TNFAIP8: variants seen among roughly 807,000 people sequenced by gnomAD.
TNFAIP8 encodes TNF alpha induced protein 8.
In TNFAIP8, 7 loss-of-function variants were observed where a neutral mutation model predicts 13.3. The ratio of observed to expected loss-of-function variants is 0.52; its 90% confidence interval spans 0.30 to 0.99. The LOEUF is 0.99. Ranked by LOEUF, TNFAIP8 falls within the 50% of genes least tolerant of loss-of-function variation. The pLI is 0.07. For missense variants in TNFAIP8, 258 were observed against 236.9 expected, an observed-to-expected ratio of 1.09 and a Z score of -0.58; for synonymous variants, 94 against 87.6, an observed-to-expected ratio of 1.07 and a Z score of -0.41.
At chr5:119,285,921 CA>C (rs1488649096) in intron 1 of TNFAIP8, among the ~76,000 whole-genome samples, 1 of 152,072 alleles carries the variant, frequency 6.6e-6, no homozygotes. Context: ...ATACTGATCT[CA>C]TTATGTGTAA....
intron 1 of TNFAIP8, among the ~76,000 whole-genome samples, chr5:119,301,504 C>G (rs1749392013): frequency 6.6e-6 from 1 of 152,158 alleles, no homozygotes; most frequent in African/African-American, 2.4e-5. Flanking sequence ...TTTCTGCACA[C>G]CTTGATTATA....
intron 1 of TNFAIP8, among the ~76,000 whole-genome samples, chr5:119,370,040 C>G (rs942753593): frequency 4.6e-5 from 7 of 152,328 alleles, no homozygotes; most frequent in African/African-American, 1.4e-4. Flanking sequence ...CTTGTGGCAG[C>G]AATGGAAAAG....
At chr5:119,364,841 G>GTTTTTTTTTTTTT (rs10714712) in intron 1 of TNFAIP8, among the ~76,000 whole-genome samples, 3 of 88,710 alleles carry the variant, frequency 3.4e-5, no homozygotes, top group African/African-American at 9.3e-5. Context: ...TTTCTTTTCA[G>GTTTTTTTTTTTTT]TTTTTTTTTT....
chr5:119,311,991 T>G (rs1188538685), intron 1 of TNFAIP8, among the ~76,000 whole-genome samples: 1 of 152,118 alleles, frequency 6.6e-6, no homozygotes, highest in Non-Finnish European at 1.5e-5. Flanking sequence ...TGTGGAACCA[T>G]GACAGAAAGA....
rs1019152175 is a variant in TNFAIP8, at chr5:119,397,124, A to T, written c.*3743A>T. ...AAAGTTCTTTTTCTCCCACCATGTG[A>T]ATACACACACACACACACACACACA... is the stretch of plus-strand genomic sequence containing the variant. On this transcript the variant is annotated 3_prime_UTR_variant, in exon 2 of 2. Transcript: ENST00000504771. The T allele has an allele frequency of 1.9e-5, 2 of 103,750 alleles. No individual in the cohort carries two copies. Among genetic ancestry groups the T allele is most frequent in the South Asian group, 3.2e-4 (1 of 3,114 alleles). The allele number at this position is 103,750 out of a possible 1,614,324, so 6.4% of individuals were successfully genotyped here. A position where few individuals can be genotyped will look rare whatever the true frequency, so the allele number is the denominator to read the frequency against.
intron 1 of TNFAIP8, among the ~76,000 whole-genome samples, chr5:119,381,887 G>A (rs982918385): frequency 6.6e-5 from 10 of 151,802 alleles, no homozygotes; most frequent in African/African-American, 1.9e-4. Flanking sequence ...AGCCAAGATC[G>A]CGCCATTGTA....
In TNFAIP8 at chr5:119,366,645, G is replaced by A. The variant is rs77035795; in HGVS notation, c.31+10524G>A. Reference sequence around the variant, plus strand: ...TGCCCATTTCTGGAGGGCCAGTGGTGAGTGGTTTGTTGGAGGGTTAAAGCC... The same window carrying A: ...TGCCCATTTCTGGAGGGCCAGTGGTAAGTGGTTTGTTGGAGGGTTAAAGCC... On this transcript the variant is annotated intron_variant, in intron 1 of 1. Transcript: ENST00000504771. 6.5e-3 allele frequency among the ~76,000 whole-genome samples: 996 copies of A among 152,336 alleles called. 16 individuals carry two copies. Among genetic ancestry groups the A allele is most frequent in the African/African-American group, 0.023 (945 of 41,574 alleles).
In TNFAIP8 at chr5:119,392,930, A is replaced by G; in HGVS notation, c.146A>G (p.Glu49Gly). ...ACCTTAATAGACGACACAAGTAGTG[A>G]GGTGCTGGATGAGCTCTACAGAGTG... ...ATTLIDDTSS[E>G]VLDELYRVTR... The change falls in exon 2 of 2, where the codon GAG (glutamate) becomes GGG (glycine). Residue 49 changes from glutamate to glycine, a missense_variant. Glu to Gly is a moderately conservative substitution (Grantham distance 98). Transcript: ENST00000504771. 1 of 1,607,658 alleles carries G rather than the reference A, an allele frequency of 6.2e-7. No homozygotes were observed. The highest frequency in any genetic ancestry group is 8.5e-7 in the Non-Finnish European group (1 of 1,177,018).
intron 1 of TNFAIP8, among the ~76,000 whole-genome samples, chr5:119,348,609 G>A (rs1047510669): frequency 2.6e-5 from 4 of 152,062 alleles, no homozygotes; most frequent in Non-Finnish European, 2.9e-5. Context: ...GGCTGGGCAC[G>A]GAGTCTCACG....
intron 1 of TNFAIP8, among the ~76,000 whole-genome samples, chr5:119,362,741 A>G (rs556425281): frequency 6.6e-6 from 1 of 151,766 alleles, no homozygotes; most frequent in African/African-American, 2.4e-5. Context: ...GCAGTGAGCT[A>G]TGGTCGTGCC....
intron 1 of TNFAIP8, among the ~76,000 whole-genome samples, chr5:119,301,407 A>T (rs555987458): frequency 6.6e-6 from 1 of 152,142 alleles, no homozygotes; most frequent in Non-Finnish European, 1.5e-5. Context: ...AAAGCCCCAA[A>T]TAAAAAAAAA....
At chr5:119,368,067 C>G (rs147283961) in intron 1 of TNFAIP8, among the ~76,000 whole-genome samples, 153 of 152,256 alleles carry the variant, frequency 1.0e-3, no homozygotes, top group African/African-American at 3.6e-3. Context: ...GTTTCCCTGC[C>G]TGTAAAGCAG....
chr5:119,309,518 A>G (rs530866891), intron 1 of TNFAIP8, among the ~76,000 whole-genome samples: 2 of 152,270 alleles, frequency 1.3e-5, no homozygotes, highest in Non-Finnish European at 2.9e-5. Context: ...TTCCCTTTCA[A>G]CAGTTGTTTA....
chr5:119,372,128 C>CTCCAT (rs1461893143), intron 1 of TNFAIP8, among the ~76,000 whole-genome samples: 1 of 149,666 alleles, frequency 6.7e-6, no homozygotes, highest in Non-Finnish European at 1.5e-5. Context: ...CAGAGCAAGA[C>CTCCAT]TCCATCTCAA....
At chr5:119,349,036 C>T (rs1751021965) in intron 1 of TNFAIP8, among the ~76,000 whole-genome samples, 1 of 152,136 alleles carries the variant, frequency 6.6e-6, no homozygotes, top group East Asian at 1.9e-4. Flanking sequence ...TCGTGCTGTC[C>T]TGGCCACCTC....
intron 1 of TNFAIP8, among the ~76,000 whole-genome samples, chr5:119,326,615 C>G (rs548591139): frequency 2.6e-5 from 4 of 152,266 alleles, no homozygotes; most frequent in South Asian, 2.1e-4. Context: ...AAACTTAATT[C>G]TAGGTACACA....
intron 1 of TNFAIP8, among the ~76,000 whole-genome samples, chr5:119,345,673 AAGT>A (rs1750873659): frequency 6.6e-6 from 1 of 152,180 alleles, no homozygotes; most frequent in Non-Finnish European, 1.5e-5. Flanking sequence ...TAGAGACAAA[AAGT>A]AGAATGGTGG....
chr5:119,376,140 A>C (rs1045347562), intron 1 of TNFAIP8, among the ~76,000 whole-genome samples: 16 of 151,266 alleles, frequency 1.1e-4, no homozygotes, highest in African/African-American at 3.9e-4. Context: ...TTTGAGATGA[A>C]ATCTTGCTCT....
intron 1 of TNFAIP8, among the ~76,000 whole-genome samples, chr5:119,361,846 T>A (rs1174104888): frequency 6.6e-6 from 1 of 152,218 alleles, no homozygotes; most frequent in Admixed American, 6.5e-5. Context: ...GACTGTCCAG[T>A]AGACTCCTGC....
Sources: allele counts gnomAD v4.1 joint callset (sites outside exome capture counted in the v4.1 genomes callset), GRCh38; gene constraint gnomAD v4.1.1; transcripts MANE v1.5; gene names NCBI Gene and HGNC (gene_info 2026-07-23, HGNC 2026-07-21).